The following PRADC1 variants were observed in gnomAD, a reference collection of about 807,000 sequenced individuals.
The protein encoded by PRADC1 is protease-associated domain-containing protein 1.
PRADC1 carries 23 observed loss-of-function variants against 22.9 expected under a neutral mutation model. The ratio of observed to expected loss-of-function variants is 1.00; its 90% CI spans 0.72 to 1.42. PRADC1 has a LOEUF of 1.42. Among genes scored for constraint, PRADC1 ranks in the 40% most tolerant of loss-of-function variants. PRADC1 has a pLI of 0.00. For synonymous variants in PRADC1, 71 were observed against 100.3 expected, an observed-to-expected ratio of 0.71 and a Z score of 1.75; for missense variants, 207 against 258.3, an observed-to-expected ratio of 0.80 and a Z score of 1.36.
intron 1 of PRADC1, among the ~76,000 whole-genome samples, chr2:73,232,209 C>T (rs1438870858): frequency 2.0e-5 from 3 of 151,908 alleles, no homozygotes; most frequent in African/African-American, 7.3e-5. Flanking sequence ...TGGTGGTGGG[C>T]GCCTGTAGTC....
At chr2:73,229,400 A>G (rs565751468) in intron 3 of PRADC1, 61 bp downstream of exon 3, 20 of 1,120,394 alleles carry the variant, frequency 1.8e-5, no homozygotes, top group South Asian at 7.4e-5. Context: ...ACTACTACCA[A>G]TAATCTCAGA....
At chr2:73,231,871 A>G (rs1686648143) in intron 1 of PRADC1, among the ~76,000 whole-genome samples, 2 of 152,204 alleles carry the variant, frequency 1.3e-5, no homozygotes, top group African/African-American at 4.8e-5. Context: ...ACTTTCCTGA[A>G]TGGGTGAACA....
intron 2 of PRADC1, 40 bp from the exon 3 acceptor site, chr2:73,229,610 G>A (rs1185228745): frequency 6.8e-7 from 1 of 1,466,192 alleles, no homozygotes; most frequent in South Asian, 1.1e-5. Context: ...AGAGTGTAAT[G>A]AGACACACCT....
At chr2:73,229,057 G>C (rs1384944053) in intron 3 of PRADC1, 95 bp from the exon 4 acceptor site, 1 of 1,092,178 alleles carries the variant, frequency 9.2e-7, no homozygotes. Flanking sequence ...AGACTATGAA[G>C]AATCTGTTAT....
intron 2 of PRADC1, 93 bp from the exon 3 acceptor site, chr2:73,229,663 T>C: frequency 1.1e-6 from 1 of 945,434 alleles, no homozygotes. Flanking sequence ...TGGCACCTTA[T>C]AAAGTGTGAA....
intron 2 of PRADC1, 84 bp downstream of exon 2, chr2:73,230,029 C>A: frequency 1.1e-6 from 1 of 937,570 alleles, no homozygotes; most frequent in Non-Finnish European, 1.7e-6. Context: ...TCCCAGCACT[C>A]AGGTGGGATG....
intron 2 of PRADC1, 84 bp from the exon 3 acceptor site, chr2:73,229,654 G>A (rs896034928): frequency 3.4e-5 from 34 of 1,003,990 alleles, no homozygotes; most frequent in Admixed American, 3.1e-4. Flanking sequence ...CCATCTTATT[G>A]GCACCTTATA....
chr2:73,229,474 G>C lies in PRADC1; in HGVS notation c.265C>G (p.Leu89Val), dbSNP rs753512916. The change falls in exon 3 of 5, where the codon CTG becomes GTG. Residue 89 changes from leucine (L) to valine (V), a missense_variant. Coordinates refer to ENST00000258083, the MANE Select transcript of PRADC1 (RefSeq NM_032319.3). ...NGFFIQDQIA[L>V]VERGGCSFLS... ...CCCACTCCTTACCCCCTCTCCACCA[G>C]AGCAATCTGGTCCTGGATGAAGAAA... 1.1e-5 allele frequency: 17 copies of C among 1,584,952 alleles called. No individual in the cohort carries two copies. Among genetic ancestry groups the C allele is most frequent in the South Asian group, 9.9e-5 (9 of 91,012 alleles).
At position 73,228,138 on chromosome 2, in the gene PRADC1, T is replaced by A; in HGVS notation, c.*316A>T. ...TGCAGAGACCCTGGGTAGGGGAGGCTGGAGCCAGGTGAGTGTGACAGGTCA... is the reference window on the plus strand; with the variant it reads ...TGCAGAGACCCTGGGTAGGGGAGGCAGGAGCCAGGTGAGTGTGACAGGTCA... On this transcript the variant is annotated 3_prime_UTR_variant, in exon 5 of 5. Coordinates refer to ENST00000258083, the MANE Select transcript of PRADC1 (RefSeq NM_032319.3). This position sits in a 1 kb window ranked among gnomAD's most constrained non-coding sequence, Gnocchi z 4.0. The A allele has an allele frequency of 2.7e-6, 1 of 372,102 alleles. No homozygotes were observed. The highest frequency in any genetic ancestry group is 5.1e-6 in the Non-Finnish European group (1 of 196,434). The allele number at this position is 372,102 out of a possible 1,614,324, so 23.1% of individuals were successfully genotyped here.
In PRADC1 at chr2:73,229,399, A is replaced by G. The variant is rs554014651; in HGVS notation, c.278+62T>C. ...ACAGCTCTTTCAAAGCACTACTACC[A>G]ATAATCTCAGAATCTGCCGTATGCC... On this transcript the variant is annotated intron_variant, in intron 3 of 4. Transcript: ENST00000258083. 3.6e-6 allele frequency: 4 copies of G among 1,102,328 alleles called. No homozygotes were observed. In the African/African-American group the frequency reaches 8.0e-5, roughly 22 times the overall value. The allele number at this position is 1,102,328 out of a possible 1,614,324, so 68.3% of individuals were successfully genotyped here. A position where few individuals can be genotyped will look rare whatever the true frequency, so the allele number is the denominator to read the frequency against.
upstream of PRADC1, chr2:73,233,278 G>T: frequency 1.6e-6 from 1 of 644,058 alleles, no homozygotes; most frequent in Non-Finnish European, 2.4e-6. Context: ...CGCTCTCGCC[G>T]CGGGCTGGAC....
intron 1 of PRADC1, among the ~76,000 whole-genome samples, chr2:73,231,271 C>T (rs1686630421): frequency 6.6e-6 from 1 of 152,184 alleles, no homozygotes; most frequent in Middle Eastern, 3.2e-3. Context: ...AGGCGCCCGC[C>T]ACCACGCCCG....
chr2:73,230,157 ATCGAATGTCCCCAGGAC>A lies in PRADC1; in HGVS notation c.107_123del (p.Ser36IlefsTer20). 1 of 1,614,138 alleles carries A rather than the reference ATCGAATGTCCCCAGGAC, an allele frequency of 6.2e-7. No homozygotes were observed. The highest frequency in any genetic ancestry group is 8.5e-7 in the Non-Finnish European group (1 of 1,179,958). ...TTGGCAGGTGTGGCTGTGAAGATGT[ATCGAATGTCCCCAGGAC>A]TCAGCACTTGAAAGTACAAATAATC... On this transcript the variant is annotated frameshift_variant, in exon 2 of 5. Coordinates refer to ENST00000258083, the MANE Select transcript of PRADC1 (RefSeq NM_032319.3). LOFTEE classifies it high-confidence loss of function.
intron 1 of PRADC1, among the ~76,000 whole-genome samples, chr2:73,231,523 T>C (rs528577694): frequency 2.1e-4 from 32 of 152,080 alleles, no homozygotes; most frequent in Admixed American, 3.3e-4. Context: ...CTCAAGCGAT[T>C]CTCATGCCTC....
intron 1 of PRADC1, among the ~76,000 whole-genome samples, chr2:73,232,842 T>C (rs1304078515): frequency 6.6e-6 from 1 of 152,118 alleles, no homozygotes; most frequent in Non-Finnish European, 1.5e-5. Context: ...GGGTCGGCGC[T>C]AGTGGGCGGG....
At chr2:73,230,425 T>C (rs1686614880) in intron 1 of PRADC1, among the ~76,000 whole-genome samples, 2 of 152,192 alleles carry the variant, frequency 1.3e-5, no homozygotes, top group East Asian at 3.9e-4. Flanking sequence ...CCCCAGAGGC[T>C]TATATCAGCT....
At chr2:73,231,630 G>A (rs1487577513) in intron 1 of PRADC1, among the ~76,000 whole-genome samples, 1 of 149,316 alleles carries the variant, frequency 6.7e-6, no homozygotes, top group African/African-American at 2.5e-5. Flanking sequence ...ATGTTGACCA[G>A]GCTGATTTTT....
chr2:73,228,584 C>G lies in PRADC1; in HGVS notation c.447-10G>C. On this transcript the variant is annotated splice_polypyrimidine_tract_variant and intron_variant, in intron 4 of 4. Coordinates refer to ENST00000258083, the MANE Select transcript of PRADC1 (RefSeq NM_032319.3). The surrounding 1 kb of genome is among the most constrained non-coding windows in gnomAD (Gnocchi z 4.0). ...GCGGCGGATCATGTAGCTGGGAGGG[C>G]ATGAAGAGAGGTGGTGACGGTCACT... is the stretch of plus-strand genomic sequence containing the variant. The G allele has an allele frequency of 6.2e-7, 1 of 1,613,966 alleles. No individual in the cohort carries two copies. Among genetic ancestry groups the G allele is most frequent in the Non-Finnish European group, 8.5e-7 (1 of 1,180,010 alleles).
At chr2:73,230,451 G>T (rs149000934) in intron 1 of PRADC1, among the ~76,000 whole-genome samples, 1 of 152,344 alleles carries the variant, frequency 6.6e-6, no homozygotes, top group Admixed American at 6.5e-5. Flanking sequence ...TGCTGCTTAC[G>T]CAGTAAGCCA....
Sources: allele counts gnomAD v4.1 joint callset (sites outside exome capture counted in the v4.1 genomes callset), GRCh38; gene constraint gnomAD v4.1.1; non-coding constraint Gnocchi (gnomAD v3.1); transcripts MANE v1.5; gene names NCBI Gene and HGNC (gene_info 2026-07-23, HGNC 2026-07-21).